Variants in ZNF329 observed in about 807,000 individuals in gnomAD.
ZNF329 encodes zinc finger protein 329.
In ZNF329, 15 loss-of-function variants were observed where a neutral mutation model predicts 26.6. The observed-to-expected ratio is 0.56, with a 90% CI of 0.38 to 0.87. The LOEUF is 0.87. Ranked by LOEUF, ZNF329 falls within the 40% of genes least tolerant of loss-of-function variation. The probability of loss-of-function intolerance (pLI) is 0.00; values close to 1 mark genes in which losing one functional copy is unlikely to be tolerated. For missense variants in ZNF329, 651 were observed against 651.9 expected, an observed-to-expected ratio of 1.00 and a Z score of 0.02; for synonymous variants, 239 against 233.5, an observed-to-expected ratio of 1.02 and a Z score of -0.21.
upstream of ZNF329, among the ~76,000 whole-genome samples, chr19:58,152,361 C>T (rs114244220): frequency 4.0e-3 from 607 of 150,558 alleles, 4 homozygotes; most frequent in African/African-American, 0.014. Flanking sequence ...GAAACCCCAT[C>T]TCTAAAAATA....
chr19:58,127,684 C>G lies in ZNF329; in HGVS notation c.*194G>C. The G allele has an allele frequency of 1.9e-6, 1 of 535,146 alleles. No individual in the cohort carries two copies. Among genetic ancestry groups the G allele is most frequent in the Non-Finnish European group, 3.3e-6 (1 of 306,778 alleles). 33.1% of individuals were successfully genotyped at this position (535,146 alleles called of 1,614,324 possible). On this transcript the variant is annotated 3_prime_UTR_variant, in exon 4 of 4. Coordinates refer to ENST00000598312, the MANE Select transcript of ZNF329 (RefSeq NM_024620.4). ...GAATCATCCCCAAAGACTTTTCTGC[C>G]CTCATCCTAAGTTGTCTCTGGAGTT...
chr19:58,128,471 A>G lies in ZNF329; in HGVS notation c.1033T>C (p.Cys345Arg), dbSNP rs1212020808. ...CGGAAAGCCTTTCCACATTTGCTAC[A>G]CTCATAGGGCTTCTCACCGGTGTGG... ...RIHTGEKPYE[C>R]SKCGKAFRDG... is the part of the protein sequence containing the mutation. The change falls in exon 4 of 4, where the codon TGT becomes CGT. Residue 345 changes from cysteine (C) to arginine (R), a missense_variant. By Grantham distance (180) the Cys-to-Arg change is radical. Coordinates refer to ENST00000598312, the MANE Select transcript of ZNF329 (RefSeq NM_024620.4). 5 of 1,613,120 alleles carry G rather than the reference A, an allele frequency of 3.1e-6. No homozygotes were observed. The African/African-American group carries it at 4.0e-5, about 13-fold the overall frequency.
At chr19:58,140,644 T>C (rs1490050762) in intron 3 of ZNF329, among the ~76,000 whole-genome samples, 2 of 151,996 alleles carry the variant, frequency 1.3e-5, no homozygotes, top group African/African-American at 4.8e-5. Flanking sequence ...CTCGATCTCC[T>C]GACCTCGTGA....
chr19:58,131,119 A>ATGTGTG (rs144702980), intron 3 of ZNF329, among the ~76,000 whole-genome samples: 24 of 150,056 alleles, frequency 1.6e-4, no homozygotes, highest in African/African-American at 2.7e-4. Context: ...ATATGTGTAT[A>ATGTGTG]TGTGTGTGTG....
chr19:58,128,158 T>G lies in ZNF329; in HGVS notation c.1346A>C (p.His449Pro). 1 of 1,587,838 alleles carries G rather than the reference T, an allele frequency of 6.3e-7. No homozygotes were observed. The highest frequency in any genetic ancestry group is 8.6e-7 in the Non-Finnish European group (1 of 1,167,884). Residue 449 changes from histidine to proline, a missense_variant, in exon 4 of 4, where the codon CAT (histidine) becomes CCT (proline). Transcript: ENST00000598312. ...IAGLIRHQRT[H>P]TGEKPYECNQ... is the part of the protein sequence containing the mutation. ...ACACTCATAGGGCTTCTCACCAGTA[T>G]GAGTCCTCTGGTGCCTAATGAGGCC...
chr19:58,140,782 G>A (rs1317644967), intron 3 of ZNF329, among the ~76,000 whole-genome samples: 2 of 151,768 alleles, frequency 1.3e-5, no homozygotes, highest in Non-Finnish European at 2.9e-5. Context: ...TGCAATCAAG[G>A]CTCAACACAG....
rs1474490084 is a variant in ZNF329 at position 58,134,664 on chromosome 19, G to A, written c.-8-5153C>T. Among the ~76,000 whole-genome samples the A allele has an allele frequency of 5.9e-5, 9 of 152,154 alleles. No homozygotes were observed. The South Asian group carries it at 6.2e-4, about 11-fold the overall frequency. The stretch of plus-strand genomic sequence containing the variant: ...TCAAAACACAGAGCAGGCCGGGCGC[G>A]GTGGCTCATGCCTGTAATCCCAGCA... On this transcript the variant is annotated intron_variant, in intron 3 of 3. Coordinates refer to ENST00000598312, the MANE Select transcript of ZNF329 (RefSeq NM_024620.4).
At chr19:58,144,385 TA>T (rs1568672192) in intron 1 of ZNF329, among the ~76,000 whole-genome samples, 47 of 96,824 alleles carry the variant, frequency 4.9e-4, no homozygotes, top group Middle Eastern at 6.3e-3. Flanking sequence ...TCTATCTATA[TA>T]TATATATATA....
At chr19:58,129,580 G>T in intron 3 of ZNF329, 69 bp from the exon 4 acceptor site, 1 of 1,307,312 alleles carries the variant, frequency 7.6e-7, no homozygotes, top group Non-Finnish European at 1.1e-6. Context: ...AGACAATGAT[G>T]ATGGGCTAGG....
At chr19:58,144,393 TATA>T (rs1485197287) in intron 1 of ZNF329, among the ~76,000 whole-genome samples, 18 of 122,464 alleles carry the variant, frequency 1.5e-4, no homozygotes, top group East Asian at 6.4e-4. Flanking sequence ...TATATATATA[TATA>T]TTTTTTTTTT....
chr19:58,153,452 CT>C (rs745442530), upstream of ZNF329, among the ~76,000 whole-genome samples: 6 of 152,160 alleles, frequency 3.9e-5, no homozygotes, highest in Non-Finnish European at 7.4e-5. Context: ...CAATCTTTTT[CT>C]GTGAAAAGCC....
intron 3 of ZNF329, among the ~76,000 whole-genome samples, chr19:58,129,987 G>C: frequency 6.6e-6 from 1 of 152,200 alleles, no homozygotes; most frequent in South Asian, 2.1e-4. Flanking sequence ...CAAAGCACAG[G>C]CTTGGTGACC....
At chr19:58,133,047 C>T (rs560011115) in intron 3 of ZNF329, among the ~76,000 whole-genome samples, 13 of 152,192 alleles carry the variant, frequency 8.5e-5, no homozygotes, top group African/African-American at 2.6e-4. Flanking sequence ...CTCCTGACCT[C>T]GTGATCCGCC....
At chr19:58,147,882 G>A (rs1402829483) in intron 1 of ZNF329, among the ~76,000 whole-genome samples, 1 of 151,804 alleles carries the variant, frequency 6.6e-6, no homozygotes, top group South Asian at 2.1e-4. Context: ...CCACCACCCC[G>A]TCTGGGAGGT....
At chr19:58,133,406 T>G (rs115683361) in intron 3 of ZNF329, among the ~76,000 whole-genome samples, 1 of 151,942 alleles carries the variant, frequency 6.6e-6, no homozygotes, top group Non-Finnish European at 1.5e-5. Flanking sequence ...GGCAACATGG[T>G]GAAACCCCGT....
At chr19:58,149,876 C>G (rs2075410109) in intron 1 of ZNF329, among the ~76,000 whole-genome samples, 1 of 152,106 alleles carries the variant, frequency 6.6e-6, no homozygotes, top group Non-Finnish European at 1.5e-5. Context: ...CTACTGAACT[C>G]TAATTCATGG....
At chr19:58,142,879 G>C (rs1244475266) in intron 2 of ZNF329, among the ~76,000 whole-genome samples, 1 of 152,070 alleles carries the variant, frequency 6.6e-6, no homozygotes, top group East Asian at 1.9e-4. Context: ...AGAAAGTCTG[G>C]GAGTTTCCTC....
chr19:58,145,177 AT>A (rs1318469200), intron 1 of ZNF329, among the ~76,000 whole-genome samples: 1 of 150,320 alleles, frequency 6.7e-6, no homozygotes, highest in African/African-American at 2.5e-5. Flanking sequence ...TTTTGTAGAG[AT>A]TGGGTCTCAC....
At chr19:58,148,850 C>T (rs1250470335) in intron 1 of ZNF329, among the ~76,000 whole-genome samples, 1 of 152,190 alleles carries the variant, frequency 6.6e-6, no homozygotes, top group African/African-American at 2.4e-5. Context: ...GCCTCTGCAA[C>T]ACCTGCTGTG....
Sources: gnomAD v4.1 joint callset for allele counts (sites outside exome capture counted in the v4.1 genomes callset) on GRCh38, gnomAD v4.1.1 for gene constraint, MANE v1.5 for transcripts, NCBI Gene and HGNC (gene_info 2026-07-23, HGNC 2026-07-21) for gene names.